Variants in RSRC1 observed in about 807,000 individuals in gnomAD.
The protein encoded by RSRC1 is arginine and serine rich coiled-coil 1.
Under a neutral mutation model 49.1 loss-of-function variants are expected in RSRC1, and 39 were observed. The ratio of observed to expected loss-of-function variants is 0.79; its 90% CI spans 0.61 to 1.04. The LOEUF (loss-of-function observed/expected upper bound fraction) is 1.04, where lower values mean the gene tolerates loss of function less well. RSRC1 is among the 50% of genes least tolerant of loss of function. The probability of loss-of-function intolerance (pLI) is 0.00; values close to 1 mark genes in which losing one functional copy is unlikely to be tolerated. For missense variants in RSRC1, 388 were observed against 402.4 expected (o/e 0.96, Z 0.31); for synonymous variants, 143 against 130.8 (o/e 1.09, Z -0.63).
At chr3:158,404,029 A>T (rs998572668) in intron 6 of RSRC1, among the ~76,000 whole-genome samples, 7 of 151,912 alleles carry the variant, frequency 4.6e-5, no homozygotes, top group Non-Finnish European at 7.4e-5. Flanking sequence ...ATATTTGATA[A>T]TTCATACTGT....
intron 3 of RSRC1, among the ~76,000 whole-genome samples, chr3:158,191,972 T>C (rs1720268084): frequency 6.6e-6 from 1 of 152,070 alleles, no homozygotes; most frequent in African/African-American, 2.4e-5. Flanking sequence ...AGTTAGCAGC[T>C]TAGTTTATTT....
chr3:158,278,467 C>A (rs1241214673), intron 4 of RSRC1, among the ~76,000 whole-genome samples: 1 of 152,158 alleles, frequency 6.6e-6, no homozygotes, highest in Non-Finnish European at 1.5e-5. Flanking sequence ...ATGTTCTATG[C>A]ATAATTTTCA....
intron 6 of RSRC1, among the ~76,000 whole-genome samples, chr3:158,384,436 C>A (rs1732860016): frequency 1.3e-5 from 2 of 151,980 alleles, no homozygotes; most frequent in Non-Finnish European, 1.5e-5. Flanking sequence ...AATGTGGGAA[C>A]CAAAGATGAG....
chr3:158,129,779 A>G (rs964027412), intron 3 of RSRC1, among the ~76,000 whole-genome samples: 8 of 152,150 alleles, frequency 5.3e-5, no homozygotes, highest in Non-Finnish European at 1.0e-4. Flanking sequence ...TATTGTTTAC[A>G]TTTTCATATA....
At chr3:158,128,050 T>C (rs1175895470) in intron 3 of RSRC1, among the ~76,000 whole-genome samples, 1 of 152,192 alleles carries the variant, frequency 6.6e-6, no homozygotes, top group Non-Finnish European at 1.5e-5. Flanking sequence ...CCAGTCTCTG[T>C]CTTTGGTACT....
intron 1 of RSRC1, among the ~76,000 whole-genome samples, chr3:158,111,199 G>A (rs182909545): frequency 1.3e-5 from 2 of 152,304 alleles, no homozygotes; most frequent in East Asian, 3.9e-4. Context: ...GCAACCTTGG[G>A]GGAAACTAGG....
chr3:158,316,356 T>G (rs1250388239), intron 5 of RSRC1, among the ~76,000 whole-genome samples: 1 of 151,858 alleles, frequency 6.6e-6, no homozygotes, highest in Non-Finnish European at 1.5e-5. Context: ...GTCTGTCTTA[T>G]GTGTACTTCC....
intron 3 of RSRC1, among the ~76,000 whole-genome samples, chr3:158,145,932 T>C (rs1298868243): frequency 2.0e-5 from 3 of 152,210 alleles, no homozygotes; most frequent in African/African-American, 7.2e-5. Flanking sequence ...TCTCTGTTTG[T>C]CTGTTATTGG....
At chr3:158,430,174 G>T (rs776520635) in intron 6 of RSRC1, among the ~76,000 whole-genome samples, 1 of 151,904 alleles carries the variant, frequency 6.6e-6, no homozygotes, top group African/African-American at 2.4e-5. Flanking sequence ...GGCAGTAGCT[G>T]TAGTAGCAAT....
At chr3:158,419,648 A>G (rs1734930873) in intron 6 of RSRC1, among the ~76,000 whole-genome samples, 1 of 151,922 alleles carries the variant, frequency 6.6e-6, no homozygotes, top group African/African-American at 2.4e-5. Context: ...GGATGTGTAC[A>G]TGCCTCATAC....
Position 158,315,046 on chromosome 3 carries a change from T to A in RSRC1, c.531+16971T>A, listed in dbSNP as rs1017629596. Among the ~76,000 whole-genome samples the A allele has an allele frequency of 3.7e-5, 5 of 135,114 alleles. No homozygotes were observed. The South Asian group carries it at 9.7e-4, about 26-fold the overall frequency. The allele number at this position is 135,114 out of a possible 152,430, so 88.6% of individuals were successfully genotyped here. On this transcript the variant is annotated intron_variant, in intron 5 of 9. Coordinates refer to ENST00000611884, the MANE Select transcript of RSRC1 (RefSeq NM_001271838.2). ...GACTTTGTCTCAAAAAAAAAAAAAATTATGTTTGCTCCTCATTGCCTTTTA... is the reference window on the plus strand; with the variant it reads ...GACTTTGTCTCAAAAAAAAAAAAAAATATGTTTGCTCCTCATTGCCTTTTA...
intron 4 of RSRC1, among the ~76,000 whole-genome samples, chr3:158,234,032 C>T (rs1180110839): frequency 1.3e-5 from 2 of 152,122 alleles, no homozygotes; most frequent in East Asian, 3.9e-4. Flanking sequence ...CAGGGATAAT[C>T]GCCTCAATCT....
Position 158,543,322 on chromosome 3 carries a change from T to G in RSRC1, c.760-13T>G. 3.3e-6 allele frequency: 5 copies of G among 1,525,132 alleles called. No homozygotes were observed. The highest frequency in any genetic ancestry group is 4.4e-6 in the Non-Finnish European group (5 of 1,142,106). The allele number at this position is 1,525,132 out of a possible 1,614,324, so 94.5% of individuals were successfully genotyped here. On this transcript the variant is annotated splice_polypyrimidine_tract_variant and intron_variant, in intron 8 of 9. Coordinates refer to ENST00000611884, the MANE Select transcript of RSRC1 (RefSeq NM_001271838.2). ...TGTATTGTGTTGAAATTAATATGTG[T>G]TGTTTCTTTCAGTCAGTGGAACCTA...
chr3:158,463,390 A>T (rs745325861), intron 7 of RSRC1, among the ~76,000 whole-genome samples: 1 of 152,134 alleles, frequency 6.6e-6, no homozygotes, highest in Non-Finnish European at 1.5e-5. Context: ...TTTATTTCAT[A>T]TAATTAGTCT....
At chr3:158,114,620 T>G (rs879323468) in intron 1 of RSRC1, among the ~76,000 whole-genome samples, 1 of 152,210 alleles carries the variant, frequency 6.6e-6, no homozygotes, top group African/African-American at 2.4e-5. Flanking sequence ...TATTGATTCT[T>G]CCTATCTGTG....
In RSRC1 at chr3:158,501,139, T is replaced by A. The variant is rs564428706; in HGVS notation, c.653-35953T>A. Among the ~76,000 whole-genome samples the A allele has an allele frequency of 2.0e-5, 3 of 152,354 alleles. No homozygotes were observed. In the East Asian group the frequency reaches 5.8e-4, roughly 29 times the overall value. On this transcript the variant is annotated intron_variant, in intron 7 of 9. Coordinates refer to ENST00000611884, the MANE Select transcript of RSRC1 (RefSeq NM_001271838.2). The stretch of plus-strand genomic sequence containing the variant: ...GATCCAATGCTCATTCAGGAGCAGG[T>A]TATTTAATTTCCATGTATTTTCATG...
intron 5 of RSRC1, among the ~76,000 whole-genome samples, chr3:158,314,477 A>G (rs1403181025): frequency 6.6e-6 from 1 of 151,800 alleles, no homozygotes; most frequent in African/African-American, 2.4e-5. Flanking sequence ...AAATGAAAAT[A>G]TGCTAAACAG....
chr3:158,455,417 G>A (rs1465427538), intron 6 of RSRC1, among the ~76,000 whole-genome samples: 1 of 152,000 alleles, frequency 6.6e-6, no homozygotes, highest in Non-Finnish European at 1.5e-5. Flanking sequence ...ATGATTCACA[G>A]CCATAGGGTA....
At chr3:158,351,131 T>G (rs1261461292) in intron 5 of RSRC1, among the ~76,000 whole-genome samples, 2 of 152,218 alleles carry the variant, frequency 1.3e-5, no homozygotes, top group Non-Finnish European at 2.9e-5. Context: ...AGGCAGCTAC[T>G]GATGCAGATA....
Sources: gnomAD v4.1 joint callset for allele counts (sites outside exome capture counted in the v4.1 genomes callset) on GRCh38, gnomAD v4.1.1 for gene constraint, MANE v1.5 for transcripts, NCBI Gene and HGNC (gene_info 2026-07-23, HGNC 2026-07-21) for gene names.